The following BMPR1A variants were observed in gnomAD, a reference collection of about 807,000 sequenced individuals.
The protein encoded by BMPR1A is bone morphogenetic protein receptor type-1A.
Under a neutral mutation model 66.0 loss-of-function variants are expected in BMPR1A, and 7 were observed. That is an observed-to-expected ratio of 0.11 (90% CI 0.06 to 0.20). The LOEUF is 0.20. Among genes scored for constraint, BMPR1A ranks in the 10% least tolerant of loss-of-function variants. The pLI is 1.00. For missense variants in BMPR1A, 408 were observed against 669.1 expected, an observed-to-expected ratio of 0.61 and a Z score of 4.31; for synonymous variants, 200 against 229.7, an observed-to-expected ratio of 0.87 and a Z score of 1.17.
At chr10:86,797,488 C>T (rs530737651) in intron 1 of BMPR1A, among the ~76,000 whole-genome samples, 9 of 151,996 alleles carry the variant, frequency 5.9e-5, no homozygotes, top group Admixed American at 2.0e-4. Context: ...ACTTCGGCCT[C>T]CCTGAGTGTT....
intron 1 of BMPR1A, among the ~76,000 whole-genome samples, chr10:86,788,936 T>G (rs1174671758): frequency 6.6e-6 from 1 of 152,018 alleles, no homozygotes; most frequent in African/African-American, 2.4e-5. Flanking sequence ...CACCATGGCT[T>G]TTTCCATTAT....
At chr10:86,805,754 C>G (rs1423597933) in intron 1 of BMPR1A, among the ~76,000 whole-genome samples, 2 of 152,138 alleles carry the variant, frequency 1.3e-5, no homozygotes, top group African/African-American at 2.4e-5. Context: ...AGCTACTGTG[C>G]CCAGCCTTCA....
intron 7 of BMPR1A, among the ~76,000 whole-genome samples, chr10:86,910,632 T>G (rs1424458629): frequency 6.6e-6 from 1 of 152,158 alleles, no homozygotes; most frequent in Non-Finnish European, 1.5e-5. Flanking sequence ...CCATATACCC[T>G]TTTGTGTCTT....
intron 1 of BMPR1A, among the ~76,000 whole-genome samples, chr10:86,814,131 C>G (rs1842004617): frequency 6.6e-6 from 1 of 151,956 alleles, no homozygotes; most frequent in South Asian, 2.1e-4. Flanking sequence ...ATTATTTTGG[C>G]CCAGTATTTT....
rs552953378 is a variant in BMPR1A at position 86,802,732 on chromosome 10, C to G, written c.-267-36133C>G. Among the ~76,000 whole-genome samples the G allele has an allele frequency of 2.6e-5, 4 of 151,886 alleles. 1 individual carries two copies. The highest frequency in any genetic ancestry group is 7.2e-5 in the African/African-American group (3 of 41,470). ...TGTATGCATTTTAGTAACTCAACAC[C>G]AACTTGTCAGAAGTTAGCTGAATTT... On this transcript the variant is annotated intron_variant, in intron 1 of 12. Coordinates refer to ENST00000372037, the MANE Select transcript of BMPR1A (RefSeq NM_004329.3).
At chr10:86,762,953 G>A (rs1359393012) in intron 1 of BMPR1A, among the ~76,000 whole-genome samples, 2 of 152,136 alleles carry the variant, frequency 1.3e-5, no homozygotes, top group Non-Finnish European at 2.9e-5. Flanking sequence ...CTGGAGTGCA[G>A]TGGCGTGATC....
chr10:86,787,805 A>G (rs907894411), intron 1 of BMPR1A, among the ~76,000 whole-genome samples: 1 of 152,146 alleles, frequency 6.6e-6, no homozygotes, highest in African/African-American at 2.4e-5. Context: ...AGCAGGAGAG[A>G]CAGCAAAGAG....
intron 2 of BMPR1A, among the ~76,000 whole-genome samples, chr10:86,870,172 AC>A (rs559804505): frequency 1.3e-5 from 2 of 152,072 alleles, no homozygotes; most frequent in Non-Finnish European, 2.9e-5. Flanking sequence ...GCTGAATATT[AC>A]CGTTCTTTTA....
intron 2 of BMPR1A, among the ~76,000 whole-genome samples, chr10:86,860,307 T>TATATATAAAAACAGTAAAGTTTTTG (rs1262508905): frequency 9.9e-5 from 15 of 152,206 alleles, no homozygotes; most frequent in African/African-American, 3.6e-4. Flanking sequence ...TAAAGCATTA[T>TATATATAAAAACAGTAAAGTTTTTG]ATATATAAAA....
chr10:86,771,252 A>G (rs1279435578), intron 1 of BMPR1A, among the ~76,000 whole-genome samples: 3 of 152,220 alleles, frequency 2.0e-5, no homozygotes, highest in African/African-American at 4.8e-5. Flanking sequence ...AAGAAACACT[A>G]ATTCAATATT....
Position 86,906,723 on chromosome 10 carries a change from CAAAAAAAAAAAAAAAAAAAAAAA to C in BMPR1A, c.531-5500_531-5478del, listed in dbSNP as rs929716555. Among the ~76,000 whole-genome samples, 10 of 10,696 alleles carry C rather than the reference CAAAAAAAAAAAAAAAAAAAAAAA, an allele frequency of 9.3e-4. 2 individuals carry two copies. The highest frequency in any genetic ancestry group is 0.017 in the South Asian group (2 of 120). 7.0% of individuals were successfully genotyped at this position (10,696 alleles called of 152,430 possible). Reference sequence around the variant, plus strand: ...TGGGCGACAGAGTGAGACTCCGTCTCAAAAAAAAAAAAAAAAAAAAAAAAAAAAAAAAAAAAAAACACTTTGTC... The same window carrying C: ...TGGGCGACAGAGTGAGACTCCGTCTCAAAAAAAAAAAAAAAACACTTTGTC... On this transcript the variant is annotated intron_variant, in intron 7 of 12. Coordinates refer to ENST00000372037, the MANE Select transcript of BMPR1A (RefSeq NM_004329.3).
intron 7 of BMPR1A, among the ~76,000 whole-genome samples, chr10:86,911,232 C>CA (rs1409985988): frequency 1.3e-5 from 2 of 148,460 alleles, no homozygotes; most frequent in Admixed American, 6.7e-5. Flanking sequence ...TCTTAAGAGA[C>CA]AAAAGCATGT....
chr10:86,888,281 T>C (rs1278907000), intron 3 of BMPR1A, among the ~76,000 whole-genome samples: 1 of 151,554 alleles, frequency 6.6e-6, no homozygotes, highest in Non-Finnish European at 1.5e-5. Flanking sequence ...CTGGCCAACA[T>C]GGTGAAACCC....
intron 7 of BMPR1A, among the ~76,000 whole-genome samples, chr10:86,906,898 G>GT (rs1843402549): frequency 6.6e-6 from 1 of 151,528 alleles, no homozygotes; most frequent in African/African-American, 2.4e-5. Flanking sequence ...TTTAGTTCAG[G>GT]TAACTTCTAT....
At chr10:86,898,560 G>A (rs1843262389) in intron 5 of BMPR1A, among the ~76,000 whole-genome samples, 1 of 152,132 alleles carries the variant, frequency 6.6e-6, no homozygotes, top group African/African-American at 2.4e-5. Context: ...CCTTCATAGA[G>A]AAGAAAAAAC....
downstream of BMPR1A, chr10:86,929,405 C>A (rs548549534): frequency 1.3e-5 from 2 of 152,304 alleles, no homozygotes; most frequent in Non-Finnish European, 2.9e-5. Flanking sequence ...GCAATACTTT[C>A]TTGTCATTTT....
intron 4 of BMPR1A, 44 bp downstream of exon 4, chr10:86,890,268 G>A (rs778043502): frequency 1.9e-6 from 3 of 1,600,334 alleles, no homozygotes; most frequent in South Asian, 2.2e-5. Flanking sequence ...GGAGAATAGA[G>A]TTGCATTTAG....
At position 86,831,628 on chromosome 10, in the gene BMPR1A, T is replaced by G. The variant is rs369681375; in HGVS notation, c.-267-7237T>G. ...ACAAACAAAAAATTATCCAGGCTTG[T>G]TGGCACTTGCCTGTAGTCCCAGCTA... On this transcript the variant is annotated intron_variant, in intron 1 of 12. Transcript: ENST00000372037. Among the ~76,000 whole-genome samples the G allele has an allele frequency of 1.2e-4, 18 of 152,292 alleles. No homozygotes were observed. In the East Asian group the frequency reaches 1.4e-3, roughly 11 times the overall value.
chr10:86,789,937 A>G (rs901206192), intron 1 of BMPR1A, among the ~76,000 whole-genome samples: 2 of 150,662 alleles, frequency 1.3e-5, no homozygotes, highest in Non-Finnish European at 3.0e-5. Context: ...AGGGCAGATC[A>G]TGAGGTCAGG....
Sources: allele counts gnomAD v4.1 joint callset (sites outside exome capture counted in the v4.1 genomes callset), GRCh38; gene constraint gnomAD v4.1.1; transcripts MANE v1.5; gene names NCBI Gene and HGNC (gene_info 2026-07-23, HGNC 2026-07-21).